Variants in MSI2 observed in about 807,000 individuals in gnomAD.
MSI2 encodes RNA-binding protein Musashi homolog 2.
A neutral mutation model predicts 45.6 loss-of-function variants in MSI2; 17 were observed. The ratio of observed to expected loss-of-function variants is 0.37; its 90% confidence interval spans 0.26 to 0.56. The LOEUF is 0.56. Ranked by LOEUF, MSI2 falls within the 20% of genes least tolerant of loss-of-function variation. The pLI is 0.77. For synonymous variants in MSI2, 156 were observed against 158.2 expected (o/e 0.99, Z 0.11); for missense variants, 293 against 444.2 (o/e 0.66, Z 3.06).
At chr17:57,352,322 C>G (rs1483793597) in intron 5 of MSI2, among the ~76,000 whole-genome samples, 2 of 152,210 alleles carry the variant, frequency 1.3e-5, no homozygotes, top group African/African-American at 4.8e-5. Flanking sequence ...GTAGAGAAAT[C>G]TGTGGCCGCC....
intron 5 of MSI2, among the ~76,000 whole-genome samples, chr17:57,381,241 T>C (rs2083592379): frequency 6.6e-6 from 1 of 151,784 alleles, no homozygotes; most frequent in Admixed American, 6.6e-5. Context: ...AATTTTTGTA[T>C]TTTTTTTAGA....
At chr17:57,577,683 A>G (rs1029255776) in intron 7 of MSI2, among the ~76,000 whole-genome samples, 1 of 152,234 alleles carries the variant, frequency 6.6e-6, no homozygotes, top group Non-Finnish European at 1.5e-5. Context: ...TCTTGGAGTC[A>G]TGATGTAAGC....
chr17:57,541,937 A>C (rs932850428), intron 7 of MSI2, among the ~76,000 whole-genome samples: 1 of 152,016 alleles, frequency 6.6e-6, no homozygotes, highest in Non-Finnish European at 1.5e-5. Context: ...CCCTAGGCAA[A>C]GCTGGCGCCT....
chr17:57,581,004 C>CTCTTTTTTTTTTTTT (rs2088188576), intron 7 of MSI2, among the ~76,000 whole-genome samples: 1 of 66,506 alleles, frequency 1.5e-5, no homozygotes, highest in East Asian at 5.6e-4. Flanking sequence ...AGGTCAGCAT[C>CTCTTTTTTTTTTTTT]TTTTTTTTTT....
At chr17:57,308,715 C>T (rs1391697740) in intron 5 of MSI2, among the ~76,000 whole-genome samples, 2 of 152,200 alleles carry the variant, frequency 1.3e-5, no homozygotes, top group Admixed American at 1.3e-4. Context: ...AGCCTGCTCT[C>T]TCTTCCTCTG....
intron 7 of MSI2, among the ~76,000 whole-genome samples, chr17:57,539,715 A>G (rs1316966799): frequency 7.1e-6 from 1 of 140,284 alleles, no homozygotes; most frequent in East Asian, 2.1e-4. Context: ...ACGTGCTATT[A>G]TTAGAATAGC....
At chr17:57,433,521 A>G (rs2084637899) in intron 6 of MSI2, among the ~76,000 whole-genome samples, 1 of 152,218 alleles carries the variant, frequency 6.6e-6, no homozygotes, top group East Asian at 1.9e-4. Context: ...TTAGAAGGAC[A>G]GCTTCTAGAA....
At chr17:57,633,060 C>T (rs944481367) in intron 10 of MSI2, 21 of 1,038,300 alleles carry the variant, frequency 2.0e-5, no homozygotes, top group Non-Finnish European at 2.4e-5. Context: ...GCCTCACAAA[C>T]GTTTTAGCCA....
At chr17:57,270,964 G>A (rs1050197934) in intron 5 of MSI2, among the ~76,000 whole-genome samples, 1 of 152,186 alleles carries the variant, frequency 6.6e-6, no homozygotes, top group African/African-American at 2.4e-5. Flanking sequence ...CTTTATCTTG[G>A]GGATGCTTGA....
At chr17:57,675,904 C>G (rs1048561721) in intron 12 of MSI2, among the ~76,000 whole-genome samples, 2 of 152,306 alleles carry the variant, frequency 1.3e-5, no homozygotes, top group Middle Eastern at 3.4e-3. Flanking sequence ...TTGTGTTGTT[C>G]TTCTCCCTCC....
intron 6 of MSI2, among the ~76,000 whole-genome samples, chr17:57,484,465 T>A (rs771058941): frequency 6.6e-6 from 1 of 152,234 alleles, no homozygotes; most frequent in African/African-American, 2.4e-5. Flanking sequence ...TTCTTCTGAT[T>A]ATTTCAGATT....
intron 6 of MSI2, among the ~76,000 whole-genome samples, chr17:57,426,508 T>A (rs2084495026): frequency 6.6e-6 from 1 of 152,206 alleles, no homozygotes; most frequent in African/African-American, 2.4e-5. Flanking sequence ...AATTATAAAG[T>A]TTTAGCATTA....
At chr17:57,696,279 C>T in the MSI2 span, among the ~76,000 whole-genome samples, 45 of 152,282 alleles carry the variant, frequency 3.0e-4, no homozygotes, top group African/African-American at 9.4e-4. Flanking sequence ...GGCAATGTCA[C>T]GGCAGAGTGT....
chr17:57,647,011 C>G (rs1910713461), intron 10 of MSI2, among the ~76,000 whole-genome samples: 1 of 152,092 alleles, frequency 6.6e-6, no homozygotes, highest in South Asian at 2.1e-4. Context: ...TGCCTGACCC[C>G]TTGGCCCACT....
intron 7 of MSI2, among the ~76,000 whole-genome samples, chr17:57,539,184 A>ATT (rs11432676): frequency 0.016 from 2,251 of 143,450 alleles, 52 homozygotes; most frequent in African/African-American, 0.044. Context: ...TACTTTTTGA[A>ATT]TTTTTTTTTT....
intron 9 of MSI2, among the ~76,000 whole-genome samples, chr17:57,619,450 A>C (rs1908073985): frequency 6.6e-6 from 1 of 152,226 alleles, no homozygotes; most frequent in Non-Finnish European, 1.5e-5. Flanking sequence ...CGTCATGAGG[A>C]GTGGAAGCCA....
chr17:57,464,543 G>A (rs1196843268), intron 6 of MSI2, among the ~76,000 whole-genome samples: 1 of 152,200 alleles, frequency 6.6e-6, no homozygotes, highest in Non-Finnish European at 1.5e-5. Context: ...GGTCAGATTG[G>A]GGAGAACATG....
intron 10 of MSI2, chr17:57,630,377 T>G (rs909057631): frequency 2.6e-5 from 4 of 152,278 alleles, no homozygotes; most frequent in Admixed American, 2.6e-4. Context: ...TGCCCTGTTC[T>G]CAACCATCAA....
rs935583743 is a variant in MSI2, at chr17:57,424,025, A to G, written c.405+22554A>G. The stretch of plus-strand genomic sequence containing the variant: ...CATGCTGCAGCATTCAATTTTTATT[A>G]TATACATCTCCTGCAGGGGCAATCA... On this transcript the variant is annotated intron_variant, in intron 6 of 13. Transcript: ENST00000284073. Among the ~76,000 whole-genome samples the G allele has an allele frequency of 3.9e-5, 6 of 152,344 alleles. No individual in the cohort carries two copies. The South Asian group carries it at 1.2e-3, about 32-fold the overall frequency.
Sources: allele counts gnomAD v4.1 joint callset (sites outside exome capture counted in the v4.1 genomes callset), GRCh38; gene constraint gnomAD v4.1.1; transcripts MANE v1.5; gene names NCBI Gene and HGNC (gene_info 2026-07-23, HGNC 2026-07-21).